ZBTB8A: variants seen among roughly 807,000 people sequenced by gnomAD.
ZBTB8A encodes the protein zinc finger and BTB domain-containing protein 8A.
A neutral mutation model predicts 37.8 loss-of-function variants in ZBTB8A; 19 were observed. The observed-to-expected ratio is 0.50, with a 90% confidence interval of 0.35 to 0.74. The LOEUF (loss-of-function observed/expected upper bound fraction) is 0.74. Ranked by LOEUF, ZBTB8A falls within the 30% of genes least tolerant of loss-of-function variation. The probability of loss-of-function intolerance (pLI) is 0.01; values close to 1 mark genes in which losing one functional copy is unlikely to be tolerated. For synonymous variants in ZBTB8A, 181 were observed against 185.2 expected, an observed-to-expected ratio of 0.98 and a Z score of 0.19; for missense variants, 394 against 537.8, an observed-to-expected ratio of 0.73 and a Z score of 2.65.
At position 32,599,265 on chromosome 1, in the gene ZBTB8A, T is replaced by A. The variant is rs184078434; in HGVS notation, c.994-822T>A. ...AGTGAGACCCTTTCTCTATAAAAAA[T>A]TTTTTTTTAATTAGCCAGGTGTGGT... On this transcript the variant is annotated intron_variant, in intron 4 of 4. Coordinates refer to ENST00000373510, the MANE Select transcript of ZBTB8A (RefSeq NM_001040441.3). Among the ~76,000 whole-genome samples, 1,078 of 141,768 alleles carry A rather than the reference T, an allele frequency of 7.6e-3. 10 individuals are homozygous for A. Among genetic ancestry groups the A allele is most frequent in the African/African-American group, 0.023 (868 of 37,996 alleles). 93.0% of individuals were successfully genotyped at this position (141,768 alleles called of 152,430 possible).
intron 2 of ZBTB8A, among the ~76,000 whole-genome samples, chr1:32,587,479 C>T (rs146284060): frequency 6.6e-6 from 1 of 151,508 alleles, no homozygotes; most frequent in Non-Finnish European, 1.5e-5. Flanking sequence ...TGGTTTTGCA[C>T]ATGTTAAGAT....
At chr1:32,551,421 CA>C (rs553866696) in intron 1 of ZBTB8A, among the ~76,000 whole-genome samples, 2 of 148,664 alleles carry the variant, frequency 1.3e-5, no homozygotes, top group East Asian at 2.0e-4. Context: ...GACTCTCTCT[CA>C]AAAAAAAAAG....
intron 1 of ZBTB8A, among the ~76,000 whole-genome samples, chr1:32,542,311 T>C (rs1162311295): frequency 7.8e-6 from 1 of 127,846 alleles, no homozygotes; most frequent in Non-Finnish European, 1.6e-5. Flanking sequence ...TTCCAACACT[T>C]TGGGAGGCCA....
In ZBTB8A at chr1:32,603,590, T is replaced by G. The variant is rs957115546; in HGVS notation, c.*3171T>G. On this transcript the variant is annotated 3_prime_UTR_variant, in exon 5 of 5. Transcript: ENST00000373510. ...ATGGCTGATTTGAACTTTTTTCCTA[T>G]AAATGAAGTAGTGCTTGCATGTGTG... The G allele has an allele frequency of 6.5e-6, 1 of 152,674 alleles. No individual in the cohort carries two copies. Among genetic ancestry groups the G allele is most frequent in the Non-Finnish European group, 1.5e-5 (1 of 68,038 alleles). The allele number at this position is 152,674 out of a possible 1,614,324, so 9.5% of individuals were successfully genotyped here.
chr1:32,572,945 C>G (rs1644332578), intron 2 of ZBTB8A, among the ~76,000 whole-genome samples: 1 of 151,168 alleles, frequency 6.6e-6, no homozygotes, highest in Admixed American at 6.6e-5. Context: ...GATACTGATA[C>G]AGATAACCAG....
At chr1:32,544,967 G>T (rs376080053) in intron 1 of ZBTB8A, among the ~76,000 whole-genome samples, 5 of 152,184 alleles carry the variant, frequency 3.3e-5, no homozygotes, top group South Asian at 4.1e-4. Context: ...AAACATTCGT[G>T]TATCAGTTTC....
intron 2 of ZBTB8A, among the ~76,000 whole-genome samples, chr1:32,576,206 A>G (rs1012994565): frequency 1.3e-5 from 2 of 152,224 alleles, no homozygotes; most frequent in African/African-American, 4.8e-5. Context: ...AACAGGGTTG[A>G]GTAGTTGCAA....
chr1:32,576,160 A>G (rs1644357636), intron 2 of ZBTB8A, among the ~76,000 whole-genome samples: 1 of 152,204 alleles, frequency 6.6e-6, no homozygotes, highest in Non-Finnish European at 1.5e-5. Context: ...CAAGTCCAAA[A>G]TGTCTACATA....
intron 2 of ZBTB8A, among the ~76,000 whole-genome samples, chr1:32,579,247 A>G (rs1386090983): frequency 2.0e-5 from 3 of 151,924 alleles, no homozygotes; most frequent in African/African-American, 4.8e-5. Flanking sequence ...TTAGGAGTTC[A>G]AGACCAGCCT....
At chr1:32,559,481 T>A (rs927173326) in intron 2 of ZBTB8A, among the ~76,000 whole-genome samples, 1 of 151,958 alleles carries the variant, frequency 6.6e-6, no homozygotes, top group Non-Finnish European at 1.5e-5. Flanking sequence ...TTTTGTTTTT[T>A]GAGACAGAGT....
At chr1:32,551,556 A>G (rs1157359051) in intron 1 of ZBTB8A, among the ~76,000 whole-genome samples, 1 of 152,116 alleles carries the variant, frequency 6.6e-6, no homozygotes, top group Non-Finnish European at 1.5e-5. Flanking sequence ...TCTACTAAAA[A>G]TACAAAATGA....
At chr1:32,550,914 G>A (rs187014148) in intron 1 of ZBTB8A, among the ~76,000 whole-genome samples, 27 of 146,292 alleles carry the variant, frequency 1.8e-4, no homozygotes, top group Admixed American at 1.8e-3. Flanking sequence ...CCAAGATCGC[G>A]CCATTGCACT....
chr1:32,560,656 C>G lies in ZBTB8A; in HGVS notation c.-2+7116C>G, dbSNP rs114620604. Among the ~76,000 whole-genome samples the G allele has an allele frequency of 2.9e-3, 344 of 119,480 alleles. 1 individual carries two copies. Among genetic ancestry groups the G allele is most frequent in the African/African-American group, 0.011 (333 of 31,186 alleles). The allele number at this position is 119,480 out of a possible 152,430, so 78.4% of individuals were successfully genotyped here. On this transcript the variant is annotated intron_variant, in intron 2 of 4. Transcript: ENST00000373510. ...TTTTTTTTTGAGATGTAGTCTCACT[C>G]TCACCCAGGCTGGAGAAGTTCAGTG... is the stretch of plus-strand genomic sequence containing the variant.
intron 2 of ZBTB8A, among the ~76,000 whole-genome samples, chr1:32,554,198 C>CAAA (rs1017025736): frequency 6.0e-5 from 3 of 50,170 alleles, no homozygotes; most frequent in South Asian, 6.8e-4. Flanking sequence ...AGACTGTCTC[C>CAAA]AAAAAAAAAA....
chr1:32,541,949 C>T (rs1460995177), intron 1 of ZBTB8A, among the ~76,000 whole-genome samples: 1 of 152,110 alleles, frequency 6.6e-6, no homozygotes, highest in Non-Finnish European at 1.5e-5. Context: ...CTTACAATGG[C>T]TTGACTTACG....
chr1:32,549,048 G>A (rs1644129559), intron 1 of ZBTB8A, among the ~76,000 whole-genome samples: 2 of 151,762 alleles, frequency 1.3e-5, no homozygotes, highest in African/African-American at 4.8e-5. Flanking sequence ...AAAATTAGCC[G>A]GGTATGGTGG....
At chr1:32,556,868 T>C (rs1268392851) in intron 2 of ZBTB8A, among the ~76,000 whole-genome samples, 2 of 151,604 alleles carry the variant, frequency 1.3e-5, no homozygotes, top group Non-Finnish European at 2.9e-5. Context: ...AGAGCAAGAC[T>C]CTGTCTCAAC....
In ZBTB8A at chr1:32,597,931, T is replaced by A. The variant is rs376880210; in HGVS notation, c.994-2156T>A. 5.3e-5 allele frequency among the ~76,000 whole-genome samples: 8 copies of A among 151,686 alleles called. No individual in the cohort carries two copies. The East Asian group carries it at 1.2e-3, about 22-fold the overall frequency. On this transcript the variant is annotated intron_variant, in intron 4 of 4. Transcript: ENST00000373510. ...TAATTTTTTTTTTTTTTTTTGTATT[T>A]TTAGTAGAGATGGGGTTTCACCATG... is the stretch of plus-strand genomic sequence containing the variant.
chr1:32,572,868 CT>C lies in ZBTB8A; in HGVS notation c.-2+19339del, dbSNP rs59613737. On this transcript the variant is annotated intron_variant, in intron 2 of 4. Coordinates refer to ENST00000373510, the MANE Select transcript of ZBTB8A (RefSeq NM_001040441.3). ...TCCTAATACTGGTAATTTATGTCTT[CT>C]TTTTTTTTTTCTTGGTTGATCTAGC... 5.1e-3 allele frequency among the ~76,000 whole-genome samples: 729 copies of C among 142,276 alleles called. 9 individuals are homozygous for C. Among genetic ancestry groups the C allele is most frequent in the East Asian group, 0.045 (223 of 4,916 alleles). The allele number at this position is 142,276 out of a possible 152,430, so 93.3% of individuals were successfully genotyped here.
Sources: allele counts gnomAD v4.1 joint callset (sites outside exome capture counted in the v4.1 genomes callset), GRCh38; gene constraint gnomAD v4.1.1; transcripts MANE v1.5; gene names NCBI Gene and HGNC (gene_info 2026-07-23, HGNC 2026-07-21).